The following RAB38 variants were observed in gnomAD, a reference collection of about 807,000 sequenced individuals.
RAB38 encodes the protein ras-related protein Rab-38.
RAB38 carries 15 observed loss-of-function variants against 18.4 expected under a neutral mutation model. The ratio of observed to expected loss-of-function variants is 0.82; its 90% CI spans 0.55 to 1.26. The LOEUF is 1.26. Among genes scored for constraint, RAB38 ranks in the 50% most tolerant of loss-of-function variants. The probability of loss-of-function intolerance (pLI) is 0.00; values close to 1 mark genes in which losing one functional copy is unlikely to be tolerated. For missense variants in RAB38, 294 were observed against 267.4 expected, an observed-to-expected ratio of 1.10 and a Z score of -0.69; for synonymous variants, 101 against 104.4, an observed-to-expected ratio of 0.97 and a Z score of 0.20.
At chr11:87,826,801 G>C in the RAB38 span, among the ~76,000 whole-genome samples, 1 of 152,118 alleles carries the variant, frequency 6.6e-6, no homozygotes, top group Non-Finnish European at 1.5e-5. Context: ...AGTGCTGTGG[G>C]TGTTGGTCTA....
At chr11:87,955,948 C>T in the RAB38 span, among the ~76,000 whole-genome samples, 1 of 151,590 alleles carries the variant, frequency 6.6e-6, no homozygotes, top group African/African-American at 2.4e-5. Context: ...CTTAACAAGA[C>T]ATGTCAAAAG....
chr11:87,860,630 A>G, the RAB38 span, among the ~76,000 whole-genome samples: 1 of 151,992 alleles, frequency 6.6e-6, no homozygotes, highest in African/African-American at 2.4e-5. Context: ...AAGAATATGG[A>G]GTTATCTGCT....
At chr11:88,080,428 G>A in the RAB38 span, among the ~76,000 whole-genome samples, 2 of 151,822 alleles carry the variant, frequency 1.3e-5, no homozygotes, top group Non-Finnish European at 2.9e-5. Flanking sequence ...TATACTGTAT[G>A]TATTAATTGG....
At chr11:87,851,555 C>A in the RAB38 span, among the ~76,000 whole-genome samples, 1 of 152,052 alleles carries the variant, frequency 6.6e-6, no homozygotes. Flanking sequence ...TACTTTTTCC[C>A]CAGCTATTAC....
the RAB38 span, among the ~76,000 whole-genome samples, chr11:87,952,741 T>C: frequency 2.0e-5 from 3 of 152,214 alleles, no homozygotes; most frequent in Admixed American, 6.5e-5. Flanking sequence ...AAATATTTAA[T>C]AGAAGAGGTT....
In RAB38 at chr11:88,138,783, T is replaced by A. The variant is rs796917799; in HGVS notation, c.483+10892A>T. 8.9e-5 allele frequency among the ~76,000 whole-genome samples: 10 copies of A among 112,728 alleles called. No individual in the cohort carries two copies. The South Asian group carries it at 1.4e-3, about 16-fold the overall frequency. The allele number at this position is 112,728 out of a possible 152,430, so 74.0% of individuals were successfully genotyped here. On this transcript the variant is annotated intron_variant, in intron 2 of 2. Transcript: ENST00000243662. ...ATACAATTTTTATTATTATTCTTTT[T>A]TTTTTATTATTTTTTTTGAGGCGGA...
the RAB38 span, among the ~76,000 whole-genome samples, chr11:87,897,469 C>T: frequency 6.6e-6 from 1 of 151,444 alleles, no homozygotes; most frequent in Non-Finnish European, 1.5e-5. Flanking sequence ...ACCTAAAGGT[C>T]TTGAAGTTAA....
At chr11:88,073,433 A>T in the RAB38 span, among the ~76,000 whole-genome samples, 1 of 152,178 alleles carries the variant, frequency 6.6e-6, no homozygotes. Context: ...GAACTGAGGC[A>T]AACCTTGGCT....
chr11:88,152,720 T>C (rs1169123887), intron 1 of RAB38, among the ~76,000 whole-genome samples: 2 of 152,186 alleles, frequency 1.3e-5, no homozygotes, highest in East Asian at 3.8e-4. Flanking sequence ...TTGGGCAAAG[T>C]AGAGACCTGA....
At chr11:87,902,377 T>C in the RAB38 span, among the ~76,000 whole-genome samples, 1 of 151,594 alleles carries the variant, frequency 6.6e-6, no homozygotes, top group African/African-American at 2.4e-5. Context: ...TCCCATTGAA[T>C]TGTTTTGGTG....
chr11:87,873,269 A>G, the RAB38 span, among the ~76,000 whole-genome samples: 1 of 151,558 alleles, frequency 6.6e-6, no homozygotes, highest in African/African-American at 2.4e-5. Context: ...ATCTATTCAG[A>G]TATTTTACCC....
the RAB38 span, among the ~76,000 whole-genome samples, chr11:87,872,604 C>T: frequency 2.6e-5 from 4 of 151,588 alleles, no homozygotes; most frequent in African/African-American, 9.7e-5. Context: ...CTATTCATTC[C>T]TCCCTGCCCT....
chr11:88,050,175 C>A, the RAB38 span: 1 of 152,158 alleles, frequency 6.6e-6, no homozygotes, highest in African/African-American at 2.4e-5. Flanking sequence ...CAATGAATTA[C>A]CCTTTATGTA....
chr11:87,841,846 T>A, the RAB38 span, among the ~76,000 whole-genome samples: 1 of 152,212 alleles, frequency 6.6e-6, no homozygotes, highest in Non-Finnish European at 1.5e-5. Flanking sequence ...GTATAGTCAC[T>A]CCACCTGTAG....
At chr11:87,873,297 T>A in the RAB38 span, among the ~76,000 whole-genome samples, 1 of 151,624 alleles carries the variant, frequency 6.6e-6, no homozygotes, top group Non-Finnish European at 1.5e-5. Context: ...ATATTTGTTT[T>A]CTTATTATTG....
chr11:87,843,456 C>G, the RAB38 span, among the ~76,000 whole-genome samples: 2 of 152,156 alleles, frequency 1.3e-5, no homozygotes, highest in Non-Finnish European at 2.9e-5. Context: ...CTATAAATTA[C>G]TCAGAAGTTG....
chr11:87,955,898 CACACACAA>C, the RAB38 span, among the ~76,000 whole-genome samples: 4 of 142,026 alleles, frequency 2.8e-5, no homozygotes, highest in African/African-American at 1.1e-4. Flanking sequence ...CACACACACA[CACACACAA>C]GTAGGACAGA....
the RAB38 span, among the ~76,000 whole-genome samples, chr11:87,887,687 T>C: frequency 6.6e-6 from 1 of 151,974 alleles, no homozygotes; most frequent in Admixed American, 6.6e-5. Flanking sequence ...AAACATGATG[T>C]TATTCATGTC....
chr11:87,938,205 C>G, the RAB38 span, among the ~76,000 whole-genome samples: 4 of 152,010 alleles, frequency 2.6e-5, no homozygotes, highest in Non-Finnish European at 1.5e-5. Context: ...ATGGGAATTC[C>G]AGCTTTTCAT....
Sources: allele counts gnomAD v4.1 joint callset (sites outside exome capture counted in the v4.1 genomes callset), GRCh38; gene constraint gnomAD v4.1.1; transcripts MANE v1.5; gene names NCBI Gene and HGNC (gene_info 2026-07-23, HGNC 2026-07-21).